The following IRF4 variants were observed in gnomAD, a reference collection of about 807,000 sequenced individuals.
IRF4 encodes lymphocyte-specific interferon regulatory factor.
Under a neutral mutation model 55.5 loss-of-function variants are expected in IRF4, and 13 were observed. The observed-to-expected ratio is 0.23, with a 90% CI of 0.15 to 0.37. IRF4 has a LOEUF of 0.37. Among genes scored for constraint, IRF4 ranks in the 10% least tolerant of loss-of-function variants. The pLI is 1.00. For missense variants in IRF4, 397 were observed against 593.8 expected, an observed-to-expected ratio of 0.67 and a Z score of 3.44; for synonymous variants, 249 against 240.7, an observed-to-expected ratio of 1.03 and a Z score of -0.32.
chr6:395,740 A>T, intron 3 of IRF4, 107 bp from the exon 4 acceptor site: 1 of 794,818 alleles, frequency 1.3e-6, no homozygotes, highest in Non-Finnish European at 2.1e-6. Flanking sequence ...ACACCGTGTT[A>T]TGCATTCTAA....
At chr6:397,309 C>A in intron 5 of IRF4, 57 bp downstream of exon 5, 2 of 1,591,904 alleles carry the variant, frequency 1.3e-6, no homozygotes, top group Middle Eastern at 1.7e-4. Flanking sequence ...TGGCCATGGG[C>A]CATGGCGAAT....
Position 391,773 on chromosome 6 carries a change from G to T in IRF4, c.-92G>T. On this transcript the variant is annotated 5_prime_UTR_variant, in exon 1 of 9. Transcript: ENST00000380956. ...TCTCAGTTTCACCGCTCGATCTTGG[G>T]ACCCACCGCTGCCCTCAGCTCCGAG... 1 of 456,178 alleles carries T rather than the reference G, an allele frequency of 2.2e-6. No homozygotes were observed. Among genetic ancestry groups the T allele is most frequent in the Non-Finnish European group, 4.4e-6 (1 of 226,950 alleles). 28.3% of individuals were successfully genotyped at this position (456,178 alleles called of 1,614,324 possible).
intron 5 of IRF4, among the ~76,000 whole-genome samples, chr6:398,592 C>G (rs1002291930): frequency 6.6e-6 from 1 of 152,240 alleles, no homozygotes; most frequent in Non-Finnish European, 1.5e-5. Context: ...CTCCAAGTTT[C>G]CTTCCAAAGC....
intron 7 of IRF4, among the ~76,000 whole-genome samples, chr6:402,858 C>T (rs1030432743): frequency 1.3e-5 from 2 of 152,196 alleles, no homozygotes; most frequent in African/African-American, 4.8e-5. Flanking sequence ...ATGGCAAAAC[C>T]CCGTCTCTAC....
chr6:399,835 C>CT (rs1357506566), intron 6 of IRF4, among the ~76,000 whole-genome samples: 2 of 152,124 alleles, frequency 1.3e-5, no homozygotes, highest in Non-Finnish European at 2.9e-5. Flanking sequence ...AGGCTTGCAC[C>CT]TTTTTTTCTG....
At position 393,245 on chromosome 6, in the gene IRF4, G is replaced by A. The variant is rs2127436102; in HGVS notation, c.93G>A (p.Gln31=). Residue 31 remains glutamine, a synonymous_variant, in exon 2 of 9, where the codon CAG becomes CAA. Coordinates refer to ENST00000380956, the MANE Select transcript of IRF4 (RefSeq NM_002460.4). The surrounding 1 kb of genome is among the most constrained non-coding windows in gnomAD (Gnocchi z 5.4). The part of the protein sequence containing the change: ...NGKLRQWLID[Q]IDSGKYPGLV... ...AGCTCCGCCAGTGGCTGATCGACCA[G>A]ATCGACAGCGGCAAGTACCCCGGGC... 1 of 1,585,050 alleles carries A rather than the reference G, an allele frequency of 6.3e-7. No homozygotes were observed. Among genetic ancestry groups the A allele is most frequent in the South Asian group, 1.2e-5 (1 of 86,580 alleles).
intron 5 of IRF4, 72 bp downstream of exon 5, chr6:397,324 G>A: frequency 6.4e-7 from 1 of 1,561,400 alleles, no homozygotes; most frequent in Non-Finnish European, 8.8e-7. Flanking sequence ...GCGAATCCTG[G>A]TCTGTCCTGG....
At chr6:404,896 G>A in intron 7 of IRF4, 122 bp from the exon 8 acceptor site, 1 of 652,290 alleles carries the variant, frequency 1.5e-6, no homozygotes, top group Non-Finnish European at 2.7e-6. Context: ...ACTCAGCGGA[G>A]TAAGAGTGCT....
intron 7 of IRF4, 30 bp downstream of exon 7, chr6:401,807 A>T: frequency 1.0e-5 from 16 of 1,597,600 alleles, no homozygotes; most frequent in Non-Finnish European, 1.4e-5. Flanking sequence ...GTTAGAATGG[A>T]GGTGGTGATG....
At chr6:399,702 A>G (rs1761352216) in intron 6 of IRF4, among the ~76,000 whole-genome samples, 1 of 152,210 alleles carries the variant, frequency 6.6e-6, no homozygotes, top group African/African-American at 2.4e-5. Context: ...TGGCATCTTT[A>G]AAAATCAGTG....
chr6:404,145 C>G (rs996763773), intron 7 of IRF4, among the ~76,000 whole-genome samples: 3 of 152,200 alleles, frequency 2.0e-5, no homozygotes, highest in Non-Finnish European at 4.4e-5. Context: ...GAAGCTGTAG[C>G]GGCTCCTGTG....
rs895494913 is a variant in IRF4 at position 408,770 on chromosome 6, G to A, written c.*1172G>A. On this transcript the variant is annotated 3_prime_UTR_variant, in exon 9 of 9. Coordinates refer to ENST00000380956, the MANE Select transcript of IRF4 (RefSeq NM_002460.4). ...AGGAGCCGGGGACTCCCAGGCTGGA[G>A]AGCACTGCCAGGACCCACCACTGGA... The A allele has an allele frequency of 4.3e-6, 1 of 233,202 alleles. No individual in the cohort carries two copies. The highest frequency in any genetic ancestry group is 8.5e-6 in the Non-Finnish European group (1 of 117,926). 14.4% of individuals were successfully genotyped at this position (233,202 alleles called of 1,614,324 possible). A position where few individuals can be genotyped will look rare whatever the true frequency, so the allele number is the denominator to read the frequency against.
At position 411,117 on chromosome 6, in the gene IRF4, G is replaced by T; in HGVS notation, c.*3519G>T. ...CAACCCTCCTCCAATGGAAATTCCCGTGTTGCTTCAAACTGAGACAGATGG... is the reference window on the plus strand; with the variant it reads ...CAACCCTCCTCCAATGGAAATTCCCTTGTTGCTTCAAACTGAGACAGATGG... On this transcript the variant is annotated 3_prime_UTR_variant, in exon 9 of 9. Coordinates refer to ENST00000380956, the MANE Select transcript of IRF4 (RefSeq NM_002460.4). 1 of 233,066 alleles carries T rather than the reference G, an allele frequency of 4.3e-6. No individual in the cohort carries two copies. The highest frequency in any genetic ancestry group is 8.5e-6 in the Non-Finnish European group (1 of 117,848). The allele number at this position is 233,066 out of a possible 1,614,324, so 14.4% of individuals were successfully genotyped here. A position where few individuals can be genotyped will look rare whatever the true frequency, so the allele number is the denominator to read the frequency against.
rs144395675 is a variant in IRF4, at chr6:398,928, G to A, written c.738G>A (p.Ala246=). 82 of 1,609,490 alleles carry A rather than the reference G, an allele frequency of 5.1e-5. No individual in the cohort carries two copies. Among genetic ancestry groups the A allele is most frequent in the East Asian group, 4.5e-4 (20 of 44,828 alleles). ...GCATAAGGTCTGCCGAAGCCTTGGC[G>A]TTCTCAGGTGAGTGCAGGGTTTGCT... The part of the protein sequence containing the change: ...EPSIRSAEAL[A]FSDCRLHICL... The change falls in exon 6 of 9, where the codon GCG becomes GCA. Residue 246 remains alanine (A), a synonymous_variant. Coordinates refer to ENST00000380956, the MANE Select transcript of IRF4 (RefSeq NM_002460.4).
intron 5 of IRF4, among the ~76,000 whole-genome samples, chr6:398,121 G>A (rs887656015): frequency 2.0e-5 from 3 of 152,178 alleles, no homozygotes; most frequent in African/African-American, 4.8e-5. Context: ...AGCAAGGGCT[G>A]GTTTCCAATA....
intron 6 of IRF4, among the ~76,000 whole-genome samples, chr6:399,363 C>T (rs546618373): frequency 6.6e-6 from 1 of 152,296 alleles, no homozygotes; most frequent in Non-Finnish European, 1.5e-5. Context: ...CTCCTCTACT[C>T]CCTGGGGACA....
In IRF4 at chr6:393,474, C is replaced by T. The variant is rs577138968; in HGVS notation, c.216+106C>T. ...GGCGAGCCCAGGGGACCGCGCGGGG[C>T]GGACGGGCGGGCGGCGGAGGCATCA... On this transcript the variant is annotated intron_variant, in intron 2 of 8. Coordinates refer to ENST00000380956, the MANE Select transcript of IRF4 (RefSeq NM_002460.4). The surrounding 1 kb of genome is among the most constrained non-coding windows in gnomAD (Gnocchi z 5.4). 7.1e-5 allele frequency: 56 copies of T among 793,000 alleles called. No individual in the cohort carries two copies. In the East Asian group the frequency reaches 2.0e-3, roughly 28 times the overall value. The allele number at this position is 793,000 out of a possible 1,614,324, so 49.1% of individuals were successfully genotyped here.
rs375277275 is a variant in IRF4 at position 407,908 on chromosome 6, G to T, written c.*310G>T. 1.1e-4 allele frequency: 37 copies of T among 331,594 alleles called. 1 individual carries two copies. The South Asian group carries it at 1.9e-3, about 17-fold the overall frequency. 20.5% of individuals were successfully genotyped at this position (331,594 alleles called of 1,614,324 possible). A position where few individuals can be genotyped will look rare whatever the true frequency, so the allele number is the denominator to read the frequency against. ...TCAGAAGTGGAGATTTCAGTTCAGC[G>T]GTTGAGGAGAATTGCGGCGAGACAA... On this transcript the variant is annotated 3_prime_UTR_variant, in exon 9 of 9. Transcript: ENST00000380956.
rs1459751499 is a variant in IRF4 at position 408,597 on chromosome 6, AAAG to A, written c.*1008_*1010del. On this transcript the variant is annotated 3_prime_UTR_variant, in exon 9 of 9. Transcript: ENST00000380956. Reference sequence around the variant, plus strand: ...TTAGAGATGCTAAAATTCTTCGCATAAAGAAGAAGAAATTAAGGAACATAAATC... The same window carrying A: ...TTAGAGATGCTAAAATTCTTCGCATAAAGAAGAAATTAAGGAACATAAATC... 2.2e-5 allele frequency: 5 copies of A among 229,280 alleles called. No homozygotes were observed. Among genetic ancestry groups the A allele is most frequent in the African/African-American group, 6.6e-5 (3 of 45,124 alleles). The allele number at this position is 229,280 out of a possible 1,614,324, so 14.2% of individuals were successfully genotyped here. A position where few individuals can be genotyped will look rare whatever the true frequency, so the allele number is the denominator to read the frequency against.
Sources: allele counts gnomAD v4.1 joint callset (sites outside exome capture counted in the v4.1 genomes callset), GRCh38; gene constraint gnomAD v4.1.1; non-coding constraint Gnocchi (gnomAD v3.1); transcripts MANE v1.5; gene names NCBI Gene and HGNC (gene_info 2026-07-23, HGNC 2026-07-21).